Variants in EPC1 observed in about 807,000 individuals in gnomAD.
EPC1 encodes enhancer of polycomb 1.
EPC1 carries 12 observed loss-of-function variants against 98.4 expected under a neutral mutation model. The observed-to-expected ratio is 0.12, with a 90% CI of 0.08 to 0.20. The LOEUF (loss-of-function observed/expected upper bound fraction) is 0.20, where lower values mean the gene tolerates loss of function less well. Ranked by LOEUF, EPC1 falls within the 10% of genes least tolerant of loss-of-function variation. EPC1 has a pLI of 1.00. For missense variants in EPC1, 729 were observed against 990.5 expected, an observed-to-expected ratio of 0.74 and a Z score of 3.54; for synonymous variants, 357 against 363.9, an observed-to-expected ratio of 0.98 and a Z score of 0.21.
At chr10:32,322,095 T>A (rs7070303) in intron 1 of EPC1, among the ~76,000 whole-genome samples, 2,845 of 147,744 alleles carry the variant, frequency 0.019, 94 homozygotes, top group African/African-American at 0.068. Flanking sequence ...AGGACAGAGC[T>A]GAGGAAGATG....
At chr10:32,270,024 T>C (rs1221712137) in intron 13 of EPC1, among the ~76,000 whole-genome samples, 2 of 152,216 alleles carry the variant, frequency 1.3e-5, no homozygotes, top group African/African-American at 2.4e-5. Context: ...AGTTTACTTG[T>C]TAACTTCTAA....
intron 2 of EPC1, among the ~76,000 whole-genome samples, chr10:32,305,218 G>C (rs920550141): frequency 6.6e-6 from 1 of 152,240 alleles, no homozygotes; most frequent in Non-Finnish European, 1.5e-5. Context: ...TTTGGGGTTG[G>C]CAAGCTATGG....
At chr10:32,330,838 G>A (rs1227097600) in intron 1 of EPC1, among the ~76,000 whole-genome samples, 2 of 151,666 alleles carry the variant, frequency 1.3e-5, no homozygotes, top group Non-Finnish European at 2.9e-5. Context: ...AAAAACCCCA[G>A]TCATAAAAAT....
chr10:32,269,139 T>C lies in EPC1; in HGVS notation c.2370-4A>G. On this transcript the variant is annotated splice_polypyrimidine_tract_variant and splice_region_variant and intron_variant, in intron 13 of 13. Coordinates refer to ENST00000319778, the MANE Select transcript of EPC1 (RefSeq NM_001272004.3). ...CTTTTCTGATTCATGATTTTCCCTGTTGAAATAAAGTTCAATCAATTACTT... is the reference window on the plus strand; with the variant it reads ...CTTTTCTGATTCATGATTTTCCCTGCTGAAATAAAGTTCAATCAATTACTT... The C allele has an allele frequency of 6.2e-7, 1 of 1,613,240 alleles. No individual in the cohort carries two copies. Among genetic ancestry groups the C allele is most frequent in the Non-Finnish European group, 8.5e-7 (1 of 1,179,390 alleles).
At chr10:32,345,876 C>T (rs1429223454) in intron 1 of EPC1, among the ~76,000 whole-genome samples, 2 of 152,260 alleles carry the variant, frequency 1.3e-5, no homozygotes, top group East Asian at 3.9e-4. Flanking sequence ...TCTTTTCTCC[C>T]CCTATGTTGA....
intron 10 of EPC1, chr10:32,284,034 A>T (rs1407903855): frequency 1.3e-5 from 2 of 152,226 alleles, no homozygotes; most frequent in Non-Finnish European, 2.9e-5. Context: ...ATCAGTAGTA[A>T]CATAATTCAA....
At chr10:32,353,468 T>G (rs1297244045) in intron 1 of EPC1, among the ~76,000 whole-genome samples, 1 of 152,198 alleles carries the variant, frequency 6.6e-6, no homozygotes, top group Non-Finnish European at 1.5e-5. Flanking sequence ...TGCAAAGAGT[T>G]AAACTCTCTT....
At chr10:32,332,778 A>T (rs1837716414) in intron 1 of EPC1, among the ~76,000 whole-genome samples, 1 of 152,280 alleles carries the variant, frequency 6.6e-6, no homozygotes, top group Non-Finnish European at 1.5e-5. Context: ...GTAATTAGTT[A>T]CATAGTAATA....
chr10:32,305,659 G>T, intron 2 of EPC1, 113 bp downstream of exon 2: 2 of 764,088 alleles, frequency 2.6e-6, no homozygotes, highest in Non-Finnish European at 3.8e-6. Flanking sequence ...CTCTTAAGCT[G>T]ATGCTGGTCA....
At chr10:32,378,495 A>G (rs1439246893) in exon 1 of EPC1, 18 of 1,547,286 alleles carry the variant, frequency 1.2e-5, no homozygotes, top group Non-Finnish European at 6.1e-6. Flanking sequence ...ACTTACCATT[A>G]GTGCAGGCAA....
At chr10:32,371,734 A>G (rs960280796) in intron 1 of EPC1, among the ~76,000 whole-genome samples, 1 of 152,054 alleles carries the variant, frequency 6.6e-6, no homozygotes, top group Admixed American at 6.6e-5. Flanking sequence ...CCTCATCTCT[A>G]CTAAAAATAC....
chr10:32,298,090 C>T (rs920272826), intron 2 of EPC1, among the ~76,000 whole-genome samples: 2 of 152,162 alleles, frequency 1.3e-5, no homozygotes, highest in African/African-American at 2.4e-5. Context: ...AGCCACCGCG[C>T]CTGGCCAGTT....
At chr10:32,356,767 G>A (rs562503262) in intron 1 of EPC1, among the ~76,000 whole-genome samples, 2 of 152,154 alleles carry the variant, frequency 1.3e-5, no homozygotes, top group South Asian at 2.1e-4. Context: ...GGCGGATCAC[G>A]GGGTCAGGAG....
At position 32,293,200 on chromosome 10, in the gene EPC1, T is replaced by C. The variant is rs1311925349; in HGVS notation, c.460-6A>G. The C allele has an allele frequency of 6.2e-7, 1 of 1,601,706 alleles. No individual in the cohort carries two copies. Among genetic ancestry groups the C allele is most frequent in the Admixed American group, 1.7e-5 (1 of 59,606 alleles). On this transcript the variant is annotated splice_polypyrimidine_tract_variant and splice_region_variant and intron_variant, in intron 3 of 13. Coordinates refer to ENST00000319778, the MANE Select transcript of EPC1 (RefSeq NM_001272004.3). ...GCTTCCTGCAGACTGACTGGCTAAA[T>C]GTAAAACCATTATGTCATTTTCATA...
intron 1 of EPC1, among the ~76,000 whole-genome samples, chr10:32,360,755 G>A (rs771263542): frequency 3.9e-5 from 6 of 152,098 alleles, no homozygotes; most frequent in African/African-American, 7.2e-5. Context: ...TTAGCCAGGC[G>A]CAGTGGCCTG....
At chr10:32,299,349 C>T (rs1448571026) in intron 2 of EPC1, among the ~76,000 whole-genome samples, 1 of 152,030 alleles carries the variant, frequency 6.6e-6, no homozygotes, top group African/African-American at 2.4e-5. Context: ...CCATGCCAGG[C>T]TAATTTTTGT....
Position 32,339,561 on chromosome 10 carries a change from TAAC to T in EPC1, c.153+7199_153+7201del, listed in dbSNP as rs1233516824. On this transcript the variant is annotated intron_variant, in intron 1 of 13. Transcript: ENST00000319778. The stretch of plus-strand genomic sequence containing the variant: ...TCTCTCTCAATAGTAATAATAATAA[TAAC>T]AACCTAAGTTAAAATACATAGTTTT... Among the ~76,000 whole-genome samples the T allele has an allele frequency of 1.2e-4, 18 of 152,240 alleles. No individual in the cohort carries two copies. The East Asian group carries it at 2.7e-3, about 23-fold the overall frequency.
chr10:32,365,639 C>G (rs1183720183), intron 1 of EPC1, among the ~76,000 whole-genome samples: 3 of 150,624 alleles, frequency 2.0e-5, no homozygotes, highest in African/African-American at 7.4e-5. Context: ...ATGGTGAAAC[C>G]CCTGTCTCTA....
At chr10:32,339,415 C>T (rs938788799) in intron 1 of EPC1, among the ~76,000 whole-genome samples, 11 of 151,966 alleles carry the variant, frequency 7.2e-5, no homozygotes, top group Admixed American at 2.0e-4. Flanking sequence ...CATGGTGGCA[C>T]ACACCTGTAG....
Sources: gnomAD v4.1 joint callset for allele counts (sites outside exome capture counted in the v4.1 genomes callset) on GRCh38, gnomAD v4.1.1 for gene constraint, MANE v1.5 for transcripts, NCBI Gene and HGNC (gene_info 2026-07-23, HGNC 2026-07-21) for gene names.